CFAP45: variants seen among roughly 807,000 people sequenced by gnomAD.
CFAP45 encodes cilia and flagella associated protein 45, also known as cilia- and flagella-associated protein 45.
A neutral mutation model predicts 75.6 loss-of-function variants in CFAP45; 43 were observed. The observed-to-expected ratio is 0.57, with a 90% CI of 0.45 to 0.73. The LOEUF is 0.73. CFAP45 is among the 30% of genes least tolerant of loss of function. The pLI, the probability that CFAP45 is intolerant of heterozygous loss-of-function variation, is 0.00. For synonymous variants in CFAP45, 223 were observed against 244.6 expected, an observed-to-expected ratio of 0.91 and a Z score of 0.82; for missense variants, 689 against 701.5, an observed-to-expected ratio of 0.98 and a Z score of 0.20.
Position 159,888,242 on chromosome 1 carries a change from A to G in CFAP45, c.417+110T>C, listed in dbSNP as rs1649741132. On this transcript the variant is annotated intron_variant, in intron 4 of 11. Transcript: ENST00000368099. ...GGTCTCCTTTCTGTAATATTTCTTCATTAAGTACATAATTTGTGCCTCATT... is the reference window on the plus strand; with the variant it reads ...GGTCTCCTTTCTGTAATATTTCTTCGTTAAGTACATAATTTGTGCCTCATT... The G allele has an allele frequency of 1.5e-5, 18 of 1,216,218 alleles. No individual in the cohort carries two copies. In the South Asian group the frequency reaches 2.6e-4, roughly 17 times the overall value. The allele number at this position is 1,216,218 out of a possible 1,614,324, so 75.3% of individuals were successfully genotyped here. A position where few individuals can be genotyped will look rare whatever the true frequency, so the allele number is the denominator to read the frequency against.
intron 8 of CFAP45, 65 bp from the exon 9 acceptor site, chr1:159,877,527 C>A: frequency 9.0e-7 from 1 of 1,110,806 alleles, no homozygotes. Context: ...AGAAACAAAA[C>A]CCCTACAACA....
chr1:159,888,065 TG>T, intron 4 of CFAP45, 54 bp from the exon 5 acceptor site: 1 of 1,563,074 alleles, frequency 6.4e-7, no homozygotes. Flanking sequence ...CTCTGTGCCC[TG>T]GGCGCTAGCC....
In CFAP45 at chr1:159,876,633, G is replaced by A. The variant is rs745510718; in HGVS notation, c.1275C>T (p.Leu425=). 4 of 1,614,018 alleles carry A rather than the reference G, an allele frequency of 2.5e-6. No individual in the cohort carries two copies. The highest frequency in any genetic ancestry group is 2.2e-5 in the East Asian group (1 of 44,898). Residue 425 remains leucine (L), a synonymous_variant, in exon 10 of 12, where the codon CTC becomes CTT. Transcript: ENST00000368099. ...CGTGCTCCTTGAAAGCCACCTGTTC[G>A]AGCCGACTTTTTCGCAGCTCAGCCT... is the stretch of plus-strand genomic sequence containing the variant. ...ETEAELRKSR[L]EQVAFKEHAL...
In CFAP45 at chr1:159,877,810, G is replaced by A. The variant is rs149627608; in HGVS notation, c.1045-348C>T. Among the ~76,000 whole-genome samples, 12 of 152,100 alleles carry A rather than the reference G, an allele frequency of 7.9e-5. No individual in the cohort carries two copies. The East Asian group carries it at 1.9e-3, about 25-fold the overall frequency. On this transcript the variant is annotated intron_variant, in intron 8 of 11. Coordinates refer to ENST00000368099, the MANE Select transcript of CFAP45 (RefSeq NM_012337.3). The stretch of plus-strand genomic sequence containing the variant: ...GAGGACTGCTTGAACCTGGGAAGTC[G>A]AGGATGCAGTGAATCATGATTGCAT...
At chr1:159,872,645 T>C in intron 11 of CFAP45, 82 bp from the exon 12 acceptor site, 1 of 1,258,512 alleles carries the variant, frequency 7.9e-7, no homozygotes. Flanking sequence ...GGGTGGGGTT[T>C]ACAGAACCTG....
intron 3 of CFAP45, 75 bp from the exon 4 acceptor site, chr1:159,888,571 T>C: frequency 7.5e-7 from 1 of 1,340,950 alleles, no homozygotes; most frequent in Non-Finnish European, 1.0e-6. Context: ...TTCTCTGCTC[T>C]CTTCCCCTCT....
At chr1:159,877,609 G>T (rs1649434316) in intron 8 of CFAP45, 147 bp from the exon 9 acceptor site, 1 of 669,652 alleles carries the variant, frequency 1.5e-6, no homozygotes, top group Non-Finnish European at 2.7e-6. Context: ...AGGTGCCGTG[G>T]CTCATGCCTA....
In CFAP45 at chr1:159,873,174, G is replaced by T. The variant is rs765276496; in HGVS notation, c.1353-6C>A. The T allele has an allele frequency of 1.9e-6, 3 of 1,612,264 alleles. No homozygotes were observed. Among genetic ancestry groups the T allele is most frequent in the Non-Finnish European group, 2.5e-6 (3 of 1,179,102 alleles). ...CAATCTGTTCTCTCTGAGCCCTGGG[G>T]GAGGGAAACAGGAATGGAATGAACT... is the stretch of plus-strand genomic sequence containing the variant. On this transcript the variant is annotated splice_region_variant and splice_polypyrimidine_tract_variant and intron_variant, in intron 10 of 11. Transcript: ENST00000368099.
In CFAP45 at chr1:159,886,692, G is replaced by A. The variant is rs1557914166; in HGVS notation, c.589-3C>T. 6.2e-7 allele frequency: 1 copy of A among 1,613,312 alleles called. No individual in the cohort carries two copies. The highest frequency in any genetic ancestry group is 8.5e-7 in the Non-Finnish European group (1 of 1,179,268). On this transcript the variant is annotated splice_polypyrimidine_tract_variant and splice_region_variant and intron_variant, in intron 5 of 11. Transcript: ENST00000368099. ...TGGCACTTAGCATTGAGGATAATCT[G>A]GAGAGTGGAGATTAAACTGTAGCAC...
In CFAP45 at chr1:159,876,711, G is replaced by A; in HGVS notation, c.1197C>T (p.Asp399=). ...LRAKRNQEVA[D]REWRRKEKEN... ...CCTTTTCCTTTCTGCGCCACTCTCT[G>A]TCTGCAACCTCCTGGTTGCGCTTGG... Residue 399 remains aspartate, a synonymous_variant, in exon 10 of 12, where the codon GAC becomes GAT. Coordinates refer to ENST00000368099, the MANE Select transcript of CFAP45 (RefSeq NM_012337.3). 6.2e-7 allele frequency: 1 copy of A among 1,614,128 alleles called. No homozygotes were observed. Among genetic ancestry groups the A allele is most frequent in the Non-Finnish European group, 8.5e-7 (1 of 1,180,014 alleles).
intron 2 of CFAP45, among the ~76,000 whole-genome samples, chr1:159,892,455 A>G (rs1285373403): frequency 6.6e-6 from 1 of 152,184 alleles, no homozygotes; most frequent in Non-Finnish European, 1.5e-5. Context: ...GCAGGGACAG[A>G]CATCAACACT....
intron 7 of CFAP45, among the ~76,000 whole-genome samples, chr1:159,883,066 T>G (rs1649586276): frequency 6.6e-6 from 1 of 152,198 alleles, no homozygotes; most frequent in Non-Finnish European, 1.5e-5. Context: ...CCTGCAGCAC[T>G]CTTCACGTCC....
chr1:159,874,894 T>A (rs979456696), intron 10 of CFAP45, among the ~76,000 whole-genome samples: 5 of 152,248 alleles, frequency 3.3e-5, no homozygotes, highest in African/African-American at 1.2e-4. Context: ...CTCTGCTTAG[T>A]CAACAGGCTG....
chr1:159,880,630 T>C lies in CFAP45; in HGVS notation c.968A>G (p.Gln323Arg). The C allele has an allele frequency of 6.2e-7, 1 of 1,614,058 alleles. No individual in the cohort carries two copies. The highest frequency in any genetic ancestry group is 8.5e-7 in the Non-Finnish European group (1 of 1,179,954). Residue 323 changes from glutamine (Q) to arginine (R), a missense_variant, in exon 8 of 12, where the codon CAG becomes CGG. Physicochemically the swap from Gln to Arg is conservative, Grantham distance 43. Coordinates refer to ENST00000368099, the MANE Select transcript of CFAP45 (RefSeq NM_012337.3). ...AEIKRINDEN[Q>R]KQKAELLAQE... ...AGCCAGCAGTTCTGCTTTCTGTTTC[T>C]GGTTTTCATCATTGATGCGCTTAAT...
At chr1:159,876,314 T>C (rs1649400941) in intron 10 of CFAP45, 2 of 574,326 alleles carry the variant, frequency 3.5e-6, no homozygotes, top group Non-Finnish European at 6.2e-6. Context: ...GGGTAAATAA[T>C]CCCAGTCATC....
intron 1 of CFAP45, among the ~76,000 whole-genome samples, chr1:159,896,650 C>T (rs931672054): frequency 2.0e-5 from 3 of 152,196 alleles, no homozygotes; most frequent in African/African-American, 4.8e-5. Flanking sequence ...AGGAGAAGCA[C>T]ATCCAGTCCT....
intron 6 of CFAP45, among the ~76,000 whole-genome samples, chr1:159,885,049 C>G (rs764271801): frequency 2.0e-5 from 3 of 152,096 alleles, no homozygotes; most frequent in Admixed American, 6.5e-5. Context: ...GCATAGACCC[C>G]ATGACATATG....
At chr1:159,894,020 A>G (rs1384016005) in intron 1 of CFAP45, among the ~76,000 whole-genome samples, 1 of 152,182 alleles carries the variant, frequency 6.6e-6, no homozygotes, top group African/African-American at 2.4e-5. Context: ...GAGGTAATGG[A>G]TATGCTAACT....
chr1:159,891,760 G>A lies in CFAP45; in HGVS notation c.130-1138C>T, dbSNP rs76731482. On this transcript the variant is annotated intron_variant, in intron 2 of 11. Transcript: ENST00000368099. Reference sequence around the variant, plus strand: ...GCTTTCACGTGGGCACAACTCAGTCGTGCCACAGGCCACTTCTGCCCTCTA... The same window carrying A: ...GCTTTCACGTGGGCACAACTCAGTCATGCCACAGGCCACTTCTGCCCTCTA... 4.2e-3 allele frequency among the ~76,000 whole-genome samples: 640 copies of A among 152,222 alleles called. 3 individuals are homozygous for A. The highest frequency in any genetic ancestry group is 0.015 in the African/African-American group (606 of 41,522).
Sources: gnomAD v4.1 joint callset for allele counts (sites outside exome capture counted in the v4.1 genomes callset) on GRCh38, gnomAD v4.1.1 for gene constraint, MANE v1.5 for transcripts, NCBI Gene and HGNC (gene_info 2026-07-23, HGNC 2026-07-21) for gene names.